HIVEP1: variants seen among roughly 807,000 people sequenced by gnomAD.
The protein encoded by HIVEP1 is zinc finger protein 40.
Under a neutral mutation model 180.0 loss-of-function variants are expected in HIVEP1, and 36 were observed. That is an observed-to-expected ratio of 0.20 (90% CI 0.15 to 0.26). The LOEUF is 0.26. HIVEP1 is among the 10% of genes least tolerant of loss of function. The probability of loss-of-function intolerance (pLI) is 1.00; values close to 1 mark genes in which losing one functional copy is unlikely to be tolerated. For missense variants in HIVEP1, 3,143 were observed against 3,268.7 expected (o/e 0.96, Z 0.94); for synonymous variants, 1,239 against 1,239.0 (o/e 1.00, Z 0.00).
the HIVEP1 span, among the ~76,000 whole-genome samples, chr6:12,186,851 A>AAAT: frequency 6.6e-6 from 1 of 152,098 alleles, no homozygotes; most frequent in East Asian, 1.9e-4. Flanking sequence ...AGAGTATTAT[A>AAAT]AATTTGTTTC....
chr6:12,122,234 T>C lies in HIVEP1; in HGVS notation c.2439T>C (p.Pro813=), dbSNP rs747764755. 7 of 1,614,064 alleles carry C rather than the reference T, an allele frequency of 4.3e-6. No individual in the cohort carries two copies. In the African/African-American group the frequency reaches 9.3e-5, roughly 22 times the overall value. Residue 813 remains proline, a synonymous_variant, in exon 4 of 9, where the codon CCT becomes CCC. Coordinates refer to ENST00000379388, the MANE Select transcript of HIVEP1 (RefSeq NM_002114.4). ...TSSSSDIPKS[P]FTPTEKSKQV... ...CAAGCTCTGATATACCGAAGTCACC[T>C]TTCACCCCTACTGAAAAATCAAAGC...
intron 3 of HIVEP1, among the ~76,000 whole-genome samples, chr6:12,104,574 G>A (rs1448781664): frequency 6.6e-6 from 1 of 151,372 alleles, no homozygotes; most frequent in Non-Finnish European, 1.5e-5. Flanking sequence ...ATGCACCACT[G>A]CACCCAGATT....
the HIVEP1 span, among the ~76,000 whole-genome samples, chr6:12,176,005 A>G: frequency 0.24 from 36,000 of 151,922 alleles, 4,908 homozygotes; most frequent in Non-Finnish European, 0.31. Flanking sequence ...GACAACAAAG[A>G]AGCCTCCTGA....
At chr6:12,010,737 T>G (rs994746522), upstream of HIVEP1, among the ~76,000 whole-genome samples, 4 of 152,284 alleles carry the variant, frequency 2.6e-5, no homozygotes, top group Non-Finnish European at 5.9e-5. Context: ...CGAACGTTCT[T>G]TAGGTCTAAC....
the HIVEP1 span, among the ~76,000 whole-genome samples, chr6:12,172,054 G>T: frequency 6.6e-6 from 1 of 152,112 alleles, no homozygotes; most frequent in Non-Finnish European, 1.5e-5. Flanking sequence ...TCAAACCCAT[G>T]ACCCACCCAC....
the HIVEP1 span, among the ~76,000 whole-genome samples, chr6:12,205,638 T>C: frequency 6.6e-6 from 1 of 152,226 alleles, no homozygotes; most frequent in South Asian, 2.1e-4. Context: ...ACCTTCTGTG[T>C]GACAACCATA....
rs116053398 is a variant in HIVEP1, at chr6:12,058,218, G to C, written c.41-30966G>C. Reference sequence around the variant, plus strand: ...GTGTTTGTCAGTGTCAATATTGCCAGTGATTTGGAAAAAAAAAAAGTGTAA... The same window carrying C: ...GTGTTTGTCAGTGTCAATATTGCCACTGATTTGGAAAAAAAAAAAGTGTAA... On this transcript the variant is annotated intron_variant, in intron 2 of 8. Coordinates refer to ENST00000379388, the MANE Select transcript of HIVEP1 (RefSeq NM_002114.4). Among the ~76,000 whole-genome samples the C allele has an allele frequency of 9.1e-3, 1,381 of 151,766 alleles. 17 individuals carry two copies. Among genetic ancestry groups the C allele is most frequent in the African/African-American group, 0.032 (1,309 of 41,370 alleles).
At chr6:12,173,796 C>CTAG in the HIVEP1 span, among the ~76,000 whole-genome samples, 1 of 152,086 alleles carries the variant, frequency 6.6e-6, no homozygotes, top group Non-Finnish European at 1.5e-5. Flanking sequence ...ATGAATGTTG[C>CTAG]CAAATGAGAT....
chr6:12,046,745 C>T (rs934171143), intron 2 of HIVEP1, among the ~76,000 whole-genome samples: 1 of 151,702 alleles, frequency 6.6e-6, no homozygotes, highest in Admixed American at 6.6e-5. Flanking sequence ...TGCCACTGCA[C>T]TTCAGCCTGG....
chr6:12,121,714 G>C lies in HIVEP1; in HGVS notation c.1919G>C (p.Gly640Ala). The C allele has an allele frequency of 6.2e-7, 1 of 1,614,190 alleles. No individual in the cohort carries two copies. The highest frequency in any genetic ancestry group is 8.5e-7 in the Non-Finnish European group (1 of 1,180,042). The change falls in exon 4 of 9, where the codon GGA (glycine) becomes GCA (alanine). Residue 640 changes from glycine (G) to alanine (A), a missense_variant. Around this residue, in one of 12 missense-constraint regions of HIVEP1, gnomAD observed 365 missense variants for 344.4 expected, o/e 1.06. Coordinates refer to ENST00000379388, the MANE Select transcript of HIVEP1 (RefSeq NM_002114.4). The surrounding 1 kb of genome is among the most constrained non-coding windows in gnomAD (Gnocchi z 5.3). The part of the protein sequence containing the change: ...PLEGKQDSHV[G>A]TVHAQLQRQQ... The stretch of plus-strand genomic sequence containing the variant: ...GAAGGAAAGCAAGACTCTCACGTAG[G>C]AACGGTACACGCCCAGCTACAAAGG...
At chr6:12,186,245 T>G in the HIVEP1 span, among the ~76,000 whole-genome samples, 1 of 150,920 alleles carries the variant, frequency 6.6e-6, no homozygotes. Flanking sequence ...TGTATTAATA[T>G]TACATATATA....
chr6:12,089,785 A>G (rs1254765912), intron 3 of HIVEP1, among the ~76,000 whole-genome samples: 2 of 152,090 alleles, frequency 1.3e-5, no homozygotes, highest in Non-Finnish European at 2.9e-5. Flanking sequence ...TAACATTGCA[A>G]TGTAGTATGT....
At chr6:12,171,824 TTTCTC>T in the HIVEP1 span, among the ~76,000 whole-genome samples, 1 of 152,204 alleles carries the variant, frequency 6.6e-6, no homozygotes, top group East Asian at 1.9e-4. Flanking sequence ...AACATAGTGA[TTTCTC>T]TTCAAGGAAG....
In HIVEP1 at chr6:12,028,944, G is replaced by A. The variant is rs376914271; in HGVS notation, c.40+13276G>A. On this transcript the variant is annotated intron_variant, in intron 2 of 8. Coordinates refer to ENST00000379388, the MANE Select transcript of HIVEP1 (RefSeq NM_002114.4). ...TTTGCCTATTCTGGACATTTAATAA[G>A]TAGAATCATACAGTATATAGTTTTT... is the stretch of plus-strand genomic sequence containing the variant. 7.2e-5 allele frequency among the ~76,000 whole-genome samples: 11 copies of A among 152,292 alleles called. No homozygotes were observed. The East Asian group carries it at 1.5e-3, about 21-fold the overall frequency.
chr6:12,210,387 T>C, the HIVEP1 span, among the ~76,000 whole-genome samples: 1 of 152,246 alleles, frequency 6.6e-6, no homozygotes, highest in African/African-American at 2.4e-5. Context: ...AGATAATTTC[T>C]TGAAAATATT....
Position 12,121,116 on chromosome 6 carries a change from T to A in HIVEP1, c.1321T>A (p.Phe441Ile), listed in dbSNP as rs1422455266. Residue 441 changes from phenylalanine (F) to isoleucine (I), a missense_variant, in exon 4 of 9, where the codon TTT becomes ATT. Phe to Ile is a conservative substitution (Grantham distance 21, BLOSUM62 0). This residue lies in a region of HIVEP1 where 28 missense variants were observed against 73.6 expected (regional missense o/e 0.38). Coordinates refer to ENST00000379388, the MANE Select transcript of HIVEP1 (RefSeq NM_002114.4). The surrounding 1 kb of genome is among the most constrained non-coding windows in gnomAD (Gnocchi z 5.3). Reference protein sequence around the residue: ...ERPYPCVTCGFSFKTKSNLYK... With the variant: ...ERPYPCVTCGISFKTKSNLYK... ...ACCCTATCCCTGTGTGACTTGTGGA[T>A]TTTCATTTAAGACTAAAAGTAATCT... 6.2e-7 allele frequency: 1 copy of A among 1,614,176 alleles called. No individual in the cohort carries two copies. The highest frequency in any genetic ancestry group is 1.3e-5 in the African/African-American group (1 of 75,028).
At chr6:12,132,977 C>T (rs528633802) in intron 6 of HIVEP1, among the ~76,000 whole-genome samples, 72 of 152,174 alleles carry the variant, frequency 4.7e-4, no homozygotes, top group Middle Eastern at 6.8e-3. Flanking sequence ...CAGATTTTCA[C>T]CTTCTCTGAT....
Position 12,123,629 on chromosome 6 carries a change from A to G in HIVEP1, c.3834A>G (p.Pro1278=). 6.2e-7 allele frequency: 1 copy of G among 1,614,140 alleles called. No individual in the cohort carries two copies. Among genetic ancestry groups the G allele is most frequent in the South Asian group, 1.1e-5 (1 of 91,082 alleles). ...CAAAATTGCCAACAGAGAAACTGCC[A>G]CCCAAAAAGAAAAGGCTCCGTCTGG... ...TLSKLPTEKL[P]PKKKRLRLAE... The change falls in exon 4 of 9, where the codon CCA becomes CCG. Residue 1278 remains proline (P), a synonymous_variant. Transcript: ENST00000379388.
intron 7 of HIVEP1, among the ~76,000 whole-genome samples, chr6:12,154,691 C>T (rs1221052790): frequency 6.6e-6 from 1 of 151,834 alleles, no homozygotes; most frequent in Non-Finnish European, 1.5e-5. Flanking sequence ...CTAATGCATA[C>T]GGGGCTTGAA....
Sources: allele counts gnomAD v4.1 joint callset (sites outside exome capture counted in the v4.1 genomes callset), GRCh38; gene constraint gnomAD v4.1.1; regional missense constraint gnomAD v4.1.1; non-coding constraint Gnocchi (gnomAD v3.1); transcripts MANE v1.5; gene names NCBI Gene and HGNC (gene_info 2026-07-23, HGNC 2026-07-21).